Variants in ZNF236 observed in about 807,000 individuals in gnomAD.
ZNF236 encodes zinc finger protein 236, also known as regulated by glucose.
A neutral mutation model predicts 191.2 loss-of-function variants in ZNF236; 50 were observed. The observed-to-expected ratio is 0.26, with a 90% CI of 0.21 to 0.33. The LOEUF (loss-of-function observed/expected upper bound fraction) is 0.33. Ranked by LOEUF, ZNF236 falls within the 10% of genes least tolerant of loss-of-function variation. ZNF236 has a pLI of 1.00. For missense variants in ZNF236, 1,754 were observed against 2,374.5 expected (o/e 0.74, Z 5.43); for synonymous variants, 907 against 928.8 (o/e 0.98, Z 0.43).
chr18:76,925,600 G>C lies in ZNF236; in HGVS notation c.4027+46G>C. ...ATGAGAGCAGCACAGTGATTGAACT[G>C]TTCTGTGCTGCTTCTGTCTGTTCCC... On this transcript the variant is annotated intron_variant, in intron 22 of 30. Coordinates refer to ENST00000320610, the MANE Select transcript of ZNF236 (RefSeq NM_001306089.2). The surrounding 1 kb of genome is among the most constrained non-coding windows in gnomAD (Gnocchi z 5.7). 1 of 1,583,578 alleles carries C rather than the reference G, an allele frequency of 6.3e-7. No homozygotes were observed. Among genetic ancestry groups the C allele is most frequent in the Non-Finnish European group, 8.6e-7 (1 of 1,167,548 alleles).
chr18:76,944,278 A>G (rs979996966), intron 26 of ZNF236, among the ~76,000 whole-genome samples: 1 of 152,166 alleles, frequency 6.6e-6, no homozygotes, highest in Non-Finnish European at 1.5e-5. Flanking sequence ...TGCAAAATTC[A>G]TGTGCTCCAG....
At position 76,960,841 on chromosome 18, in the gene ZNF236, C is replaced by A; in HGVS notation, c.5405C>A (p.Ala1802Glu). 6.2e-7 allele frequency: 1 copy of A among 1,613,070 alleles called. No individual in the cohort carries two copies. The highest frequency in any genetic ancestry group is 8.5e-7 in the Non-Finnish European group (1 of 1,179,370). The change falls in exon 30 of 31, where the codon GCG becomes GAG. Residue 1802 changes from alanine to glutamate, a missense_variant. Physicochemically the swap from Ala to Glu is moderately radical, Grantham distance 107 (BLOSUM62 -1). Coordinates refer to ENST00000320610, the MANE Select transcript of ZNF236 (RefSeq NM_001306089.2). The surrounding 1 kb of genome is among the most constrained non-coding windows in gnomAD (Gnocchi z 4.4). ...AACATGAAGCTGCACATGAAGCGGG[C>A]GCACAGCTATGCTGGTGAGAATGCT... ...KSNMKLHMKR[A>E]HSYAGALQES...
rs531271670 is a variant in ZNF236 at position 76,957,368 on chromosome 18, G to A, written c.5112+1186G>A. On this transcript the variant is annotated intron_variant, in intron 28 of 30. Coordinates refer to ENST00000320610, the MANE Select transcript of ZNF236 (RefSeq NM_001306089.2). ...GTGTCAGCAGTGACGGCCCTGTCCG[G>A]GCCAGGAAGCCCAGGGCCCCACCTG... Among the ~76,000 whole-genome samples the A allele has an allele frequency of 8.5e-5, 13 of 152,254 alleles. No homozygotes were observed. The East Asian group carries it at 1.9e-3, about 23-fold the overall frequency.
In ZNF236 at chr18:76,823,714, G is replaced by A. The variant is rs141481374; in HGVS notation, c.55+1052G>A. ...AGACCCTGGCCCTTCCAGCAGTCAG[G>A]AATTGACTTGCCTTCCAAAGCCCCA... On this transcript the variant is annotated intron_variant, in intron 1 of 30. Coordinates refer to ENST00000320610, the MANE Select transcript of ZNF236 (RefSeq NM_001306089.2). Among the ~76,000 whole-genome samples, 61 of 152,376 alleles carry A rather than the reference G, an allele frequency of 4.0e-4. 1 individual carries two copies. The South Asian group carries it at 4.6e-3, about 11-fold the overall frequency.
At position 76,843,836 on chromosome 18, in the gene ZNF236, G is replaced by A. The variant is rs528087263; in HGVS notation, c.56-5690G>A. ...GAAGAGACCGGGCGCAGTGGCTCACGCCTGTAATCCCAGCACAGGGAAGAA... is the reference window on the plus strand; with the variant it reads ...GAAGAGACCGGGCGCAGTGGCTCACACCTGTAATCCCAGCACAGGGAAGAA... On this transcript the variant is annotated intron_variant, in intron 1 of 30. Coordinates refer to ENST00000320610, the MANE Select transcript of ZNF236 (RefSeq NM_001306089.2). Among the ~76,000 whole-genome samples the A allele has an allele frequency of 5.0e-5, 7 of 140,146 alleles. 1 individual carries two copies. The highest frequency in any genetic ancestry group is 5.0e-4 in the South Asian group (2 of 4,002). 91.9% of individuals were successfully genotyped at this position (140,146 alleles called of 152,430 possible).
chr18:76,953,922 G>T (rs470389), intron 27 of ZNF236, among the ~76,000 whole-genome samples: 2 of 151,930 alleles, frequency 1.3e-5, no homozygotes, highest in African/African-American at 2.4e-5. Flanking sequence ...TGCTTGGGAG[G>T]GGGTGGACAT....
chr18:76,922,327 C>T (rs1469561671), intron 20 of ZNF236, among the ~76,000 whole-genome samples: 1 of 152,122 alleles, frequency 6.6e-6, no homozygotes, highest in African/African-American at 2.4e-5. Flanking sequence ...TTCAGAGACT[C>T]CGAGTGCCTG....
intron 1 of ZNF236, among the ~76,000 whole-genome samples, chr18:76,827,902 C>A (rs996321200): frequency 1.3e-5 from 2 of 152,116 alleles, no homozygotes; most frequent in Non-Finnish European, 2.9e-5. Flanking sequence ...TGATTTCCAT[C>A]TGTTTTCTCC....
At position 76,972,742 on chromosome 18, in the gene ZNF236, CAGA is replaced by C. The variant is rs1968925916; in HGVS notation, c.*4408_*4410del. On this transcript the variant is annotated 3_prime_UTR_variant, in exon 31 of 31. Coordinates refer to ENST00000320610, the MANE Select transcript of ZNF236 (RefSeq NM_001306089.2). ...TTTTAAAGTTAATTTTTTTTAATTA[CAGA>C]AGAATTCTCTTTTTATCTTCACAAT... 6.6e-6 allele frequency among the ~76,000 whole-genome samples: 1 copy of C among 152,052 alleles called. No individual in the cohort carries two copies. Among genetic ancestry groups the C allele is most frequent in the Non-Finnish European group, 1.5e-5 (1 of 68,028 alleles).
chr18:76,958,604 C>T (rs542834283), intron 28 of ZNF236, among the ~76,000 whole-genome samples: 2 of 152,296 alleles, frequency 1.3e-5, no homozygotes, highest in African/African-American at 2.4e-5. Flanking sequence ...TCAGTGTGAC[C>T]GCAGTTACAT....
At position 76,972,554 on chromosome 18, in the gene ZNF236, T is replaced by A. The variant is rs568122867; in HGVS notation, c.*4215T>A. On this transcript the variant is annotated 3_prime_UTR_variant, in exon 31 of 31. Transcript: ENST00000320610. The stretch of plus-strand genomic sequence containing the variant: ...ACAACTAAGAAAAAATGAAGATTAG[T>A]ATGAATGGCAGGAGCAACAGGCAGT... Among the ~76,000 whole-genome samples the A allele has an allele frequency of 2.0e-5, 3 of 152,306 alleles. No homozygotes were observed. The highest frequency in any genetic ancestry group is 6.5e-5 in the Admixed American group (1 of 15,294).
chr18:76,956,931 A>ATCAAGACTGCT (rs2122952578), intron 28 of ZNF236, among the ~76,000 whole-genome samples: 1 of 152,342 alleles, frequency 6.6e-6, no homozygotes, highest in East Asian at 1.9e-4. Context: ...GCACCCACAC[A>ATCAAGACTGCT]TCAAGACTGC....
intron 1 of ZNF236, among the ~76,000 whole-genome samples, chr18:76,830,029 C>T (rs898312515): frequency 1.3e-5 from 2 of 152,138 alleles, no homozygotes; most frequent in Non-Finnish European, 2.9e-5. Context: ...CGCCACCACG[C>T]CTGGCTAATT....
chr18:76,924,851 A>G (rs1967631314), intron 21 of ZNF236, among the ~76,000 whole-genome samples: 1 of 152,202 alleles, frequency 6.6e-6, no homozygotes, highest in African/African-American at 2.4e-5. Flanking sequence ...AGTAATTCAG[A>G]GCCGGGCTGT....
intron 3 of ZNF236, among the ~76,000 whole-genome samples, chr18:76,857,226 C>T (rs967534364): frequency 3.3e-5 from 5 of 152,202 alleles, no homozygotes; most frequent in Non-Finnish European, 7.3e-5. Flanking sequence ...GACCCAGCGC[C>T]TGGCAGCACC....
rs1316874537 is a variant in ZNF236 at position 76,939,400 on chromosome 18, T to C, written c.4782+2057T>C. ...TGTAAATGACTGGGGTGTGCTTTCC[T>C]AGATGCAAGAAGCATGATGATTATG... On this transcript the variant is annotated intron_variant, in intron 26 of 30. Coordinates refer to ENST00000320610, the MANE Select transcript of ZNF236 (RefSeq NM_001306089.2). Among the ~76,000 whole-genome samples, 3 of 152,134 alleles carry C rather than the reference T, an allele frequency of 2.0e-5. No homozygotes were observed. The East Asian group carries it at 5.8e-4, about 29-fold the overall frequency.
At chr18:76,877,480 C>G (rs986682606) in intron 6 of ZNF236, among the ~76,000 whole-genome samples, 4 of 151,144 alleles carry the variant, frequency 2.6e-5, no homozygotes, top group Middle Eastern at 3.4e-3. Context: ...GCACTCCAGC[C>G]TGGGCAACAG....
intron 3 of ZNF236, among the ~76,000 whole-genome samples, chr18:76,857,967 C>G (rs1976094353): frequency 1.3e-5 from 2 of 152,132 alleles, no homozygotes; most frequent in Non-Finnish European, 2.9e-5. Context: ...ACACTTTTTA[C>G]GTTTCTTAAG....
Position 76,925,573 on chromosome 18 carries a change from G to C in ZNF236, c.4027+19G>C. The C allele has an allele frequency of 1.9e-6, 3 of 1,606,086 alleles. No homozygotes were observed. Among genetic ancestry groups the C allele is most frequent in the Non-Finnish European group, 2.5e-6 (3 of 1,178,622 alleles). On this transcript the variant is annotated intron_variant, in intron 22 of 30. Transcript: ENST00000320610. This position sits in a 1 kb window ranked among gnomAD's most constrained non-coding sequence, Gnocchi z 5.7. ...GTGTCAGGTAAACGCTGAGCCGAGGGAATGAGAGCAGCACAGTGATTGAAC... is the reference window on the plus strand; with the variant it reads ...GTGTCAGGTAAACGCTGAGCCGAGGCAATGAGAGCAGCACAGTGATTGAAC...
Sources: allele counts gnomAD v4.1 joint callset (sites outside exome capture counted in the v4.1 genomes callset), GRCh38; gene constraint gnomAD v4.1.1; non-coding constraint Gnocchi (gnomAD v3.1); transcripts MANE v1.5; gene names NCBI Gene and HGNC (gene_info 2026-07-23, HGNC 2026-07-21).